Variants in GRID2 observed in about 807,000 individuals in gnomAD.
GRID2 encodes the protein glutamate ionotropic receptor delta type subunit 2, also known as glutamate receptor ionotropic, delta-2.
In GRID2, 33 loss-of-function variants were observed where a neutral mutation model predicts 114.8. The observed-to-expected ratio is 0.29, with a 90% CI of 0.22 to 0.38. The LOEUF is 0.38. Ranked by LOEUF, GRID2 falls within the 10% of genes least tolerant of loss-of-function variation. The pLI is 1.00. For missense variants in GRID2, 1,184 were observed against 1,257.7 expected, an observed-to-expected ratio of 0.94 and a Z score of 0.89; for synonymous variants, 505 against 449.9, an observed-to-expected ratio of 1.12 and a Z score of -1.55.
chr4:93,154,620 TAAAG>T (rs1240751578), intron 4 of GRID2, among the ~76,000 whole-genome samples: 2 of 151,986 alleles, frequency 1.3e-5, no homozygotes, highest in African/African-American at 2.4e-5. Flanking sequence ...TTCTTCTAGG[TAAAG>T]AAATATCTTA....
At chr4:92,479,948 T>C (rs1466904730) in intron 1 of GRID2, among the ~76,000 whole-genome samples, 1 of 152,166 alleles carries the variant, frequency 6.6e-6, no homozygotes, top group Admixed American at 6.6e-5. Flanking sequence ...AATTAAGTTT[T>C]AGCGTAATTG....
intron 2 of GRID2, among the ~76,000 whole-genome samples, chr4:92,943,135 AG>A (rs933910411): frequency 6.6e-6 from 1 of 152,146 alleles, no homozygotes; most frequent in African/African-American, 2.4e-5. Context: ...AGATTGAGGA[AG>A]TTCTCCTGGA....
intron 2 of GRID2, among the ~76,000 whole-genome samples, chr4:92,970,004 C>A (rs2149169385): frequency 6.6e-6 from 1 of 151,984 alleles, no homozygotes; most frequent in Non-Finnish European, 1.5e-5. Flanking sequence ...CCTAAAATTT[C>A]CGGGCTAACA....
At chr4:92,751,924 T>A (rs946752479) in intron 2 of GRID2, among the ~76,000 whole-genome samples, 26 of 152,216 alleles carry the variant, frequency 1.7e-4, no homozygotes, top group African/African-American at 6.3e-4. Flanking sequence ...AATAGCCACC[T>A]AGACAGTTTG....
chr4:93,400,223 G>A, intron 9 of GRID2, among the ~76,000 whole-genome samples: 1 of 151,922 alleles, frequency 6.6e-6, no homozygotes, highest in South Asian at 2.1e-4. Flanking sequence ...TGCATATGTT[G>A]GATTGATAAC....
At chr4:93,128,663 T>G (rs1274641903) in intron 4 of GRID2, among the ~76,000 whole-genome samples, 2 of 151,786 alleles carry the variant, frequency 1.3e-5, no homozygotes, top group Non-Finnish European at 2.9e-5. Flanking sequence ...GGAGCAGGAA[T>G]GGAAACTTGG....
At chr4:92,943,112 G>C (rs1161698465) in intron 2 of GRID2, among the ~76,000 whole-genome samples, 2 of 152,024 alleles carry the variant, frequency 1.3e-5, no homozygotes, top group African/African-American at 4.8e-5. Flanking sequence ...TTTGAATGTT[G>C]GCCTGCCTTG....
chr4:93,238,528 T>C (rs1407929773), intron 8 of GRID2, 38 bp downstream of exon 8: 1 of 1,583,232 alleles, frequency 6.3e-7, no homozygotes, highest in Admixed American at 1.7e-5. Context: ...CTTTTTCCTA[T>C]ACTATGGTTT....
At chr4:92,500,684 C>T (rs1306005165) in intron 1 of GRID2, among the ~76,000 whole-genome samples, 1 of 152,012 alleles carries the variant, frequency 6.6e-6, no homozygotes, top group Non-Finnish European at 1.5e-5. Flanking sequence ...TAAAAGAATA[C>T]CAGGTGGTAT....
At chr4:92,880,818 T>C (rs186888910) in intron 2 of GRID2, among the ~76,000 whole-genome samples, 27 of 152,130 alleles carry the variant, frequency 1.8e-4, no homozygotes, top group African/African-American at 5.3e-4. Context: ...GCCTCCCGGG[T>C]TCAAGTGATT....
At chr4:92,847,531 A>T (rs911179731) in intron 2 of GRID2, among the ~76,000 whole-genome samples, 4 of 152,080 alleles carry the variant, frequency 2.6e-5, no homozygotes, top group Admixed American at 6.6e-5. Flanking sequence ...CAAATAATAA[A>T]TATGAATTTC....
chr4:92,839,255 GTGTGT>G (rs1742696012), intron 2 of GRID2, among the ~76,000 whole-genome samples: 2 of 151,516 alleles, frequency 1.3e-5, no homozygotes, highest in Non-Finnish European at 1.5e-5. Flanking sequence ...ATTTCATACT[GTGTGT>G]TGTAAGAGTT....
intron 14 of GRID2, among the ~76,000 whole-genome samples, chr4:93,694,619 A>G (rs911803387): frequency 6.6e-6 from 1 of 152,174 alleles, no homozygotes; most frequent in Non-Finnish European, 1.5e-5. Flanking sequence ...TCACTTTACA[A>G]ACATTCCTCC....
At chr4:92,469,503 A>T (rs1236723726) in intron 1 of GRID2, among the ~76,000 whole-genome samples, 1 of 152,102 alleles carries the variant, frequency 6.6e-6, no homozygotes. Flanking sequence ...CTATGTGAAT[A>T]GTTGTCATAC....
intron 13 of GRID2, among the ~76,000 whole-genome samples, chr4:93,538,591 T>G (rs1732341081): frequency 6.6e-6 from 1 of 151,754 alleles, no homozygotes; most frequent in Admixed American, 6.6e-5. Context: ...AAACACTACC[T>G]TGATCAAGAT....
At chr4:93,657,745 G>A (rs1218724887) in intron 14 of GRID2, among the ~76,000 whole-genome samples, 1 of 152,110 alleles carries the variant, frequency 6.6e-6, no homozygotes, top group Non-Finnish European at 1.5e-5. Flanking sequence ...GTTTTCTGTG[G>A]CTGAGTTCTT....
intron 13 of GRID2, among the ~76,000 whole-genome samples, chr4:93,613,165 G>T (rs1019443853): frequency 1.5e-4 from 23 of 149,460 alleles, no homozygotes; most frequent in Non-Finnish European, 7.4e-5. Context: ...AGGTCCATCA[G>T]CTCCTTTAAA....
intron 2 of GRID2, among the ~76,000 whole-genome samples, chr4:92,742,605 A>G (rs936961336): frequency 6.6e-6 from 1 of 152,184 alleles, no homozygotes; most frequent in Non-Finnish European, 1.5e-5. Flanking sequence ...GTACAGCAGA[A>G]AGTCCATTAT....
intron 9 of GRID2, among the ~76,000 whole-genome samples, chr4:93,406,393 C>T (rs1341569903): frequency 6.6e-6 from 1 of 152,094 alleles, no homozygotes; most frequent in African/African-American, 2.4e-5. Flanking sequence ...AAGTAGAGAT[C>T]AGAGGGTGAG....
Sources: gnomAD v4.1 joint callset for allele counts (sites outside exome capture counted in the v4.1 genomes callset) on GRCh38, gnomAD v4.1.1 for gene constraint, MANE v1.5 for transcripts, NCBI Gene and HGNC (gene_info 2026-07-23, HGNC 2026-07-21) for gene names.